Variants in ADAMTS20 observed in about 807,000 individuals in gnomAD.
ADAMTS20 encodes ADAM metallopeptidase with thrombospondin type 1 motif 20, also known as A disintegrin and metalloproteinase with thrombospondin motifs 20.
Under a neutral mutation model 260.1 loss-of-function variants are expected in ADAMTS20, and 225 were observed. The observed-to-expected ratio is 0.87, with a 90% CI of 0.78 to 0.97. The LOEUF (loss-of-function observed/expected upper bound fraction) is 0.97. ADAMTS20 is among the 50% of genes least tolerant of loss of function. The pLI, the probability that ADAMTS20 is intolerant of heterozygous loss-of-function variation, is 0.00. For missense variants in ADAMTS20, 2,400 were observed against 2,337.7 expected (o/e 1.03, Z -0.55); for synonymous variants, 802 against 769.5 (o/e 1.04, Z -0.70).
At chr12:43,455,811 T>C (rs1242422600) in intron 11 of ADAMTS20, among the ~76,000 whole-genome samples, 1 of 151,810 alleles carries the variant, frequency 6.6e-6, no homozygotes. Context: ...CACATTCATG[T>C]GATTATCCTA....
chr12:43,397,704 G>T (rs1035688470), intron 29 of ADAMTS20, among the ~76,000 whole-genome samples: 8 of 152,128 alleles, frequency 5.3e-5, no homozygotes, highest in Non-Finnish European at 1.2e-4. Context: ...AAAAATAATT[G>T]ATTTATTTGA....
intron 11 of ADAMTS20, among the ~76,000 whole-genome samples, chr12:43,460,700 TTG>T (rs1942043619): frequency 6.6e-6 from 1 of 151,868 alleles, no homozygotes; most frequent in African/African-American, 2.4e-5. Flanking sequence ...GACAGGAGAA[TTG>T]ATAAATTATA....
rs564076811 is a variant in ADAMTS20, at chr12:43,550,956, T to C, written c.406A>G (p.Asn136Asp). 8 of 1,600,118 alleles carry C rather than the reference T, an allele frequency of 5.0e-6. No homozygotes were observed. Among genetic ancestry groups the C allele is most frequent in the Admixed American group, 1.7e-5 (1 of 58,722 alleles). Residue 136 changes from asparagine to aspartate, a missense_variant, in exon 2 of 39, where the codon AAC (asparagine) becomes GAC (aspartate). Asn to Asp is a conservative substitution (Grantham distance 23, BLOSUM62 1). Transcript: ENST00000389420. ...LRHCFYRGQV[N>D]SQEDYKAVVS... ...ACGGCCTTGTAATCCTCCTGTGAGT[T>C]GACCTGGCCGCGGTAGAAGCAGTGG...
chr12:43,535,731 C>T (rs1190257798), intron 2 of ADAMTS20, among the ~76,000 whole-genome samples: 1 of 151,862 alleles, frequency 6.6e-6, no homozygotes, highest in Non-Finnish European at 1.5e-5. Flanking sequence ...AATATAAATG[C>T]TTTATTTTGT....
intron 37 of ADAMTS20, among the ~76,000 whole-genome samples, chr12:43,367,608 A>G (rs747283448): frequency 1.4e-4 from 22 of 152,064 alleles, no homozygotes; most frequent in Non-Finnish European, 2.6e-4. Flanking sequence ...GAAGGACTGA[A>G]TGCCTTTTGC....
intron 28 of ADAMTS20, among the ~76,000 whole-genome samples, chr12:43,402,419 C>T (rs1447905964): frequency 2.6e-5 from 4 of 151,826 alleles, no homozygotes; most frequent in African/African-American, 9.7e-5. Context: ...TCTTTTTCTC[C>T]AAGATCTGAA....
At chr12:43,432,910 G>T in intron 19 of ADAMTS20, 99 bp from the exon 20 acceptor site, 2 of 1,109,278 alleles carry the variant, frequency 1.8e-6, no homozygotes, top group Non-Finnish European at 1.3e-6. Flanking sequence ...CCTAAAAGTT[G>T]ATAGACAAAC....
At chr12:43,410,910 G>A (rs1401803878) in intron 28 of ADAMTS20, among the ~76,000 whole-genome samples, 1 of 152,172 alleles carries the variant, frequency 6.6e-6, no homozygotes, top group Non-Finnish European at 1.5e-5. Context: ...GTTTCACTAG[G>A]ACACAATTGA....
intron 37 of ADAMTS20, among the ~76,000 whole-genome samples, chr12:43,360,939 C>T (rs1196415384): frequency 1.3e-5 from 2 of 152,208 alleles, no homozygotes; most frequent in Non-Finnish European, 2.9e-5. Flanking sequence ...ATTTCTCTTA[C>T]TTTTATGTAA....
chr12:43,532,162 A>C lies in ADAMTS20; in HGVS notation c.487T>G (p.Phe163Val), dbSNP rs1943231568. ...TCTGCCTTCATTATAGGTTCTAAGA[A>C]ATATTCACCGTTCTGTCCTTTAAAT... ...GTFKGQNGEY[F>V]LEPIMKADGN... The change falls in exon 3 of 39, where the codon TTC (phenylalanine) becomes GTC (valine). Residue 163 changes from phenylalanine to valine, a missense_variant. Phe to Val is a conservative substitution (Grantham distance 50). Coordinates refer to ENST00000389420, the MANE Select transcript of ADAMTS20 (RefSeq NM_025003.5). 6.2e-7 allele frequency: 1 copy of C among 1,610,958 alleles called. No individual in the cohort carries two copies. The highest frequency in any genetic ancestry group is 8.5e-7 in the Non-Finnish European group (1 of 1,178,640).
At chr12:43,516,039 C>T (rs1565579002) in intron 3 of ADAMTS20, among the ~76,000 whole-genome samples, 1 of 151,894 alleles carries the variant, frequency 6.6e-6, no homozygotes, top group Non-Finnish European at 1.5e-5. Flanking sequence ...TCTCCCCCAC[C>T]CCACCGCCCC....
chr12:43,459,112 C>G lies in ADAMTS20; in HGVS notation c.1614+3783G>C, dbSNP rs760087778. On this transcript the variant is annotated intron_variant, in intron 11 of 38. Coordinates refer to ENST00000389420, the MANE Select transcript of ADAMTS20 (RefSeq NM_025003.5). ...TCTGTTTTCACTCTATTAAATCTTG[C>G]AGCTGCACTCTTCTGGTCCATGTTT... 2.8e-4 allele frequency among the ~76,000 whole-genome samples: 42 copies of G among 152,300 alleles called. 1 individual carries two copies. Among genetic ancestry groups the G allele is most frequent in the Admixed American group, 4.6e-4 (7 of 15,298 alleles).
intron 3 of ADAMTS20, among the ~76,000 whole-genome samples, chr12:43,511,858 A>G (rs1942928646): frequency 6.6e-6 from 1 of 152,160 alleles, no homozygotes; most frequent in South Asian, 2.1e-4. Context: ...TACTTGTTCT[A>G]GACTTAACAT....
intron 2 of ADAMTS20, among the ~76,000 whole-genome samples, chr12:43,545,955 C>T (rs1393182506): frequency 1.3e-5 from 2 of 152,130 alleles, no homozygotes; most frequent in Non-Finnish European, 1.5e-5. Flanking sequence ...AAGAAATTTT[C>T]CATACTGCTG....
At chr12:43,518,543 C>T (rs1432882821) in intron 3 of ADAMTS20, among the ~76,000 whole-genome samples, 2 of 152,080 alleles carry the variant, frequency 1.3e-5, no homozygotes, top group Non-Finnish European at 2.9e-5. Flanking sequence ...TTCTGTCTCT[C>T]TATCTAGTCT....
At chr12:43,444,074 T>C (rs898423187) in intron 15 of ADAMTS20, among the ~76,000 whole-genome samples, 191 bp from the exon 16 acceptor site, 5 of 152,188 alleles carry the variant, frequency 3.3e-5, no homozygotes, top group Admixed American at 3.3e-4. Flanking sequence ...GAAAAAGTGG[T>C]TGTTGTCAAG....
chr12:43,532,308 C>T, intron 2 of ADAMTS20, 113 bp from the exon 3 acceptor site: 1 of 878,134 alleles, frequency 1.1e-6, no homozygotes, highest in Non-Finnish European at 1.7e-6. Flanking sequence ...GGAGTCTGTT[C>T]ACTAAGAGCC....
At chr12:43,538,753 T>C (rs1943331871) in intron 2 of ADAMTS20, among the ~76,000 whole-genome samples, 2 of 152,192 alleles carry the variant, frequency 1.3e-5, no homozygotes, top group Non-Finnish European at 2.9e-5. Flanking sequence ...ATATTTATTA[T>C]TACATTGAAA....
intron 3 of ADAMTS20, among the ~76,000 whole-genome samples, chr12:43,506,546 C>G (rs1043514146): frequency 4.6e-5 from 7 of 151,184 alleles, no homozygotes; most frequent in Non-Finnish European, 8.8e-5. Flanking sequence ...GTGGCGCGAT[C>G]TCGGCTCACT....
Sources: allele counts gnomAD v4.1 joint callset (sites outside exome capture counted in the v4.1 genomes callset), GRCh38; gene constraint gnomAD v4.1.1; transcripts MANE v1.5; gene names NCBI Gene and HGNC (gene_info 2026-07-23, HGNC 2026-07-21).